Variants in CTNNA3 observed in about 807,000 individuals in gnomAD.
The protein encoded by CTNNA3 is catenin alpha-3.
A neutral mutation model predicts 95.7 loss-of-function variants in CTNNA3; 76 were observed. The observed-to-expected ratio is 0.79, with a 90% confidence interval of 0.66 to 0.96. The LOEUF (loss-of-function observed/expected upper bound fraction) is 0.96. Ranked by LOEUF, CTNNA3 falls within the 40% of genes least tolerant of loss-of-function variation. CTNNA3 has a pLI of 0.00. For synonymous variants in CTNNA3, 431 were observed against 374.4 expected (o/e 1.15, Z -1.74); for missense variants, 1,191 against 1,089.8 (o/e 1.09, Z -1.31).
At chr10:65,933,042 G>A (rs1036297193) in intron 17 of CTNNA3, among the ~76,000 whole-genome samples, 1 of 152,090 alleles carries the variant, frequency 6.6e-6, no homozygotes, top group Non-Finnish European at 1.5e-5. Flanking sequence ...ACTGAATGGT[G>A]CGTGTATGTA....
intron 6 of CTNNA3, among the ~76,000 whole-genome samples, chr10:67,208,378 C>CAAA (rs3056794): frequency 0.01 from 932 of 93,082 alleles, 12 homozygotes; most frequent in African/African-American, 0.029. Context: ...GACTCTGTCT[C>CAAA]AAAAAAAAAA....
chr10:67,307,232 G>A (rs542727736), intron 5 of CTNNA3, among the ~76,000 whole-genome samples: 98 of 152,248 alleles, frequency 6.4e-4, no homozygotes, highest in East Asian at 3.3e-3. Flanking sequence ...AAATGCAAAT[G>A]GATTCTATTG....
chr10:66,910,052 G>A (rs1171241698), intron 7 of CTNNA3, among the ~76,000 whole-genome samples: 4 of 152,130 alleles, frequency 2.6e-5, no homozygotes, highest in Admixed American at 1.3e-4. Context: ...TTATGAGGAA[G>A]TCACCAAAAT....
intron 10 of CTNNA3, among the ~76,000 whole-genome samples, chr10:66,591,127 A>G (rs771234294): frequency 2.6e-5 from 4 of 152,178 alleles, no homozygotes; most frequent in Non-Finnish European, 5.9e-5. Flanking sequence ...CATCTGTATC[A>G]TTTTAAGAAC....
intron 7 of CTNNA3, among the ~76,000 whole-genome samples, chr10:67,029,718 C>A (rs1294444350): frequency 2.0e-5 from 3 of 152,170 alleles, no homozygotes; most frequent in African/African-American, 7.2e-5. Flanking sequence ...GATATTTTTA[C>A]AAATTAACTT....
At chr10:67,105,778 G>T (rs1358291262) in intron 7 of CTNNA3, among the ~76,000 whole-genome samples, 5 of 152,128 alleles carry the variant, frequency 3.3e-5, no homozygotes, top group Non-Finnish European at 7.4e-5. Context: ...TGAGGCAAAA[G>T]CCTGAGAGCC....
In CTNNA3 at chr10:67,566,043, GTATATATATATATATATATA is replaced by G. The variant is rs772272609; in HGVS notation, c.293-26394_293-26375del. On this transcript the variant is annotated intron_variant, in intron 3 of 17. Transcript: ENST00000433211. ...CACACACACACACATATGTGTGTGT[GTATATATATATATATATATA>G]TATATATATACAAAACCTAGGCATT... 5.2e-4 allele frequency among the ~76,000 whole-genome samples: 14 copies of G among 26,966 alleles called. 1 individual carries two copies. The highest frequency in any genetic ancestry group is 2.1e-3 in the South Asian group (1 of 466). The allele number at this position is 26,966 out of a possible 152,430, so 17.7% of individuals were successfully genotyped here. A position where few individuals can be genotyped will look rare whatever the true frequency, so the allele number is the denominator to read the frequency against.
At chr10:67,678,322 GT>G (rs1564824839) in intron 1 of CTNNA3, among the ~76,000 whole-genome samples, 1 of 152,092 alleles carries the variant, frequency 6.6e-6, no homozygotes, top group East Asian at 1.9e-4. Context: ...GAAGTGACAG[GT>G]CAAGATAAAA....
intron 5 of CTNNA3, among the ~76,000 whole-genome samples, chr10:67,322,609 T>C (rs887312990): frequency 1.3e-5 from 2 of 152,232 alleles, no homozygotes; most frequent in Admixed American, 6.5e-5. Flanking sequence ...ACATTTTCTT[T>C]ATCCAGTCTA....
intron 1 of CTNNA3, among the ~76,000 whole-genome samples, chr10:67,705,207 G>C (rs964867548): frequency 2.0e-5 from 3 of 152,104 alleles, no homozygotes; most frequent in South Asian, 2.1e-4. Flanking sequence ...AACCATTGTG[G>C]AAGACAGTGT....
At chr10:66,228,689 T>C (rs954333470) in intron 13 of CTNNA3, among the ~76,000 whole-genome samples, 1 of 152,148 alleles carries the variant, frequency 6.6e-6, no homozygotes, top group Non-Finnish European at 1.5e-5. Flanking sequence ...TTGATGTTTC[T>C]TTGATTTTTT....
At chr10:66,740,694 A>T (rs1325806394) in intron 9 of CTNNA3, among the ~76,000 whole-genome samples, 1 of 152,176 alleles carries the variant, frequency 6.6e-6, no homozygotes, top group Non-Finnish European at 1.5e-5. Context: ...TTTGCAATTG[A>T]CTTGCCTCTC....
intron 9 of CTNNA3, among the ~76,000 whole-genome samples, chr10:66,698,245 T>C (rs1847832766): frequency 6.6e-6 from 1 of 152,158 alleles, no homozygotes; most frequent in African/African-American, 2.4e-5. Context: ...AATTGAGCTT[T>C]CCATATCTGG....
chr10:67,746,240 C>A (rs1316116924), intron 1 of CTNNA3, among the ~76,000 whole-genome samples: 1 of 152,102 alleles, frequency 6.6e-6, no homozygotes, highest in Admixed American at 6.6e-5. Context: ...ACCAGTGGAA[C>A]AGCATAGAGA....
At chr10:66,820,217 G>A (rs1051438975) in intron 7 of CTNNA3, among the ~76,000 whole-genome samples, 1 of 151,988 alleles carries the variant, frequency 6.6e-6, no homozygotes, top group South Asian at 2.1e-4. Context: ...AAAACATTAC[G>A]CTAAATGAAA....
intron 5 of CTNNA3, among the ~76,000 whole-genome samples, chr10:67,342,973 G>C (rs1204837520): frequency 1.3e-5 from 2 of 151,868 alleles, no homozygotes; most frequent in Non-Finnish European, 2.9e-5. Context: ...TTTCTTTTGA[G>C]TCTGACTCTT....
intron 9 of CTNNA3, among the ~76,000 whole-genome samples, chr10:66,649,165 T>G (rs1845810431): frequency 6.6e-6 from 1 of 152,128 alleles, no homozygotes; most frequent in Non-Finnish European, 1.5e-5. Context: ...TGCAATGATT[T>G]CAGTGGAGAA....
intron 5 of CTNNA3, among the ~76,000 whole-genome samples, chr10:67,361,229 T>G (rs1842981504): frequency 6.6e-6 from 1 of 152,084 alleles, no homozygotes. Flanking sequence ...GAGGCAGAAC[T>G]CTAACAAAGA....
chr10:66,324,222 A>T (rs1050499103), intron 12 of CTNNA3, among the ~76,000 whole-genome samples: 4 of 152,038 alleles, frequency 2.6e-5, no homozygotes, highest in Non-Finnish European at 4.4e-5. Flanking sequence ...TGGGAGGCTG[A>T]GGCAGAAGAA....
Sources: gnomAD v4.1 joint callset for allele counts (sites outside exome capture counted in the v4.1 genomes callset) on GRCh38, gnomAD v4.1.1 for gene constraint, MANE v1.5 for transcripts, NCBI Gene and HGNC (gene_info 2026-07-23, HGNC 2026-07-21) for gene names.